The following ETNPPL variants were observed in gnomAD, a reference collection of about 807,000 sequenced individuals.
The protein encoded by ETNPPL is ethanolamine-phosphate phospho-lyase.
ETNPPL carries 30 observed loss-of-function variants against 55.5 expected under a neutral mutation model. The ratio of observed to expected loss-of-function variants is 0.54; its 90% CI spans 0.40 to 0.73. The LOEUF (loss-of-function observed/expected upper bound fraction) is 0.73, where lower values mean the gene tolerates loss of function less well. ETNPPL is among the 30% of genes least tolerant of loss of function. ETNPPL has a pLI of 0.00. For missense variants in ETNPPL, 528 were observed against 607.9 expected, an observed-to-expected ratio of 0.87 and a Z score of 1.38; for synonymous variants, 202 against 207.2, an observed-to-expected ratio of 0.98 and a Z score of 0.21.
chr4:108,755,450 T>A (rs894627299), intron 4 of ETNPPL, among the ~76,000 whole-genome samples: 94 of 152,272 alleles, frequency 6.2e-4, no homozygotes, highest in African/African-American at 2.1e-3. Flanking sequence ...TGAAATGAGG[T>A]GCATATTTAA....
chr4:108,749,441 C>T lies in ETNPPL; in HGVS notation c.724G>A (p.Val242Met). 6.2e-7 allele frequency: 1 copy of T among 1,614,010 alleles called. No homozygotes were observed. The highest frequency in any genetic ancestry group is 8.5e-7 in the Non-Finnish European group (1 of 1,179,940). The change falls in exon 8 of 13, where the codon GTG becomes ATG. Residue 242 changes from valine to methionine, a missense_variant. Coordinates refer to ENST00000296486, the MANE Select transcript of ETNPPL (RefSeq NM_031279.4). ...ACTTGAACTTCATCAGCTATAAACA[C>T]ACCCCCTGCACCGTGTACATATCTG... is the stretch of plus-strand genomic sequence containing the variant. Reference protein sequence around the residue: ...VAEYVHGAGGVFIADEVQVGF... With the variant: ...VAEYVHGAGGMFIADEVQVGF...
At chr4:108,753,925 T>A (rs988017412) in intron 5 of ETNPPL, among the ~76,000 whole-genome samples, 1 of 151,600 alleles carries the variant, frequency 6.6e-6, no homozygotes, top group Non-Finnish European at 1.5e-5. Flanking sequence ...TTAATAAAGC[T>A]ATATAATAAT....
chr4:108,762,527 A>T, intron 1 of ETNPPL: 4 of 668,078 alleles, frequency 6.0e-6, no homozygotes, highest in Non-Finnish European at 1.1e-5. Context: ...CATCCCTGGA[A>T]TGGTGTCTGC....
intron 11 of ETNPPL, 83 bp downstream of exon 11, chr4:108,746,316 A>C: frequency 1.6e-6 from 2 of 1,284,392 alleles, no homozygotes; most frequent in Non-Finnish European, 2.1e-6. Context: ...CAAGATGCAT[A>C]TGCTCATTAT....
chr4:108,762,016 A>G (rs1246187500), intron 1 of ETNPPL, among the ~76,000 whole-genome samples: 1 of 152,152 alleles, frequency 6.6e-6, no homozygotes, highest in Non-Finnish European at 1.5e-5. Flanking sequence ...TTATATTTAC[A>G]CGTATCTTTT....
intron 1 of ETNPPL, 127 bp downstream of exon 1, chr4:108,762,714 GCA>G: frequency 8.5e-7 from 1 of 1,173,220 alleles, no homozygotes; most frequent in Non-Finnish European, 1.3e-6. Flanking sequence ...CGGGGCGCGT[GCA>G]CAGGCGCGGC....
At chr4:108,761,087 G>T (rs540644745) in intron 1 of ETNPPL, among the ~76,000 whole-genome samples, 1 of 152,108 alleles carries the variant, frequency 6.6e-6, no homozygotes, top group African/African-American at 2.4e-5. Flanking sequence ...TATGTTTTTT[G>T]AGCATAATAA....
intron 6 of ETNPPL, among the ~76,000 whole-genome samples, chr4:108,752,409 C>T (rs1057293300): frequency 1.3e-5 from 2 of 152,174 alleles, no homozygotes; most frequent in Non-Finnish European, 2.9e-5. Flanking sequence ...TTGTTTCTGT[C>T]TTAGAAGTCC....
chr4:108,749,530 G>A, intron 7 of ETNPPL, 67 bp from the exon 8 acceptor site: 1 of 1,200,482 alleles, frequency 8.3e-7, no homozygotes, highest in Non-Finnish European at 1.2e-6. Context: ...CCACAAAGAT[G>A]CAAATTATTG....
At chr4:108,743,298 G>A (rs1728305803) in intron 12 of ETNPPL, among the ~76,000 whole-genome samples, 1 of 152,184 alleles carries the variant, frequency 6.6e-6, no homozygotes, top group African/African-American at 2.4e-5. Context: ...CACATCAAAT[G>A]CAGAAACTAG....
At position 108,759,786 on chromosome 4, in the gene ETNPPL, G is replaced by C. The variant is rs1190572336; in HGVS notation, c.298C>G (p.Pro100Ala). 1.2e-6 allele frequency: 2 copies of C among 1,614,110 alleles called. No homozygotes were observed. Among genetic ancestry groups the C allele is most frequent in the Non-Finnish European group, 1.7e-6 (2 of 1,180,002 alleles). The change falls in exon 3 of 13, where the codon CCG (proline) becomes GCG (alanine). Residue 100 changes from proline to alanine, a missense_variant. Coordinates refer to ENST00000296486, the MANE Select transcript of ETNPPL (RefSeq NM_031279.4). ...EYAKRLSATL[P>A]EKLSVCYFTN... is the part of the protein sequence containing the mutation. ...AAATAACAAACAGAGAGTTTCTCCGGCAGAGTTGCTGAAAGGCGTTTGGCA... is the reference window on the plus strand; with the variant it reads ...AAATAACAAACAGAGAGTTTCTCCGCCAGAGTTGCTGAAAGGCGTTTGGCA...
In ETNPPL at chr4:108,759,963, G is replaced by C; in HGVS notation, c.176-55C>G. On this transcript the variant is annotated intron_variant, in intron 2 of 12. Coordinates refer to ENST00000296486, the MANE Select transcript of ETNPPL (RefSeq NM_031279.4). ...ATAAGTTAGAATTCTAAGTGCCTGG[G>C]AATAAGAGGAATTATGAAGCAAGCA... The C allele has an allele frequency of 2.0e-6, 3 of 1,512,832 alleles. No homozygotes were observed. The South Asian group carries it at 3.5e-5, about 18-fold the overall frequency. The allele number at this position is 1,512,832 out of a possible 1,614,324, so 93.7% of individuals were successfully genotyped here.
intron 3 of ETNPPL, among the ~76,000 whole-genome samples, chr4:108,757,510 C>T (rs1471719549): frequency 2.0e-5 from 3 of 152,094 alleles, no homozygotes; most frequent in African/African-American, 4.8e-5. Flanking sequence ...CGGTGGCTCA[C>T]GCCTGTAATC....
rs148305224 is a variant in ETNPPL, at chr4:108,762,682, G to T, written c.56+161C>A. The T allele has an allele frequency of 4.7e-3, 4,021 of 847,026 alleles. 15 individuals are homozygous for T. Among genetic ancestry groups the T allele is most frequent in the Middle Eastern group, 9.4e-3 (43 of 4,588 alleles). 52.5% of individuals were successfully genotyped at this position (847,026 alleles called of 1,614,324 possible). ...CAGGAGCGTTTCTGGGAGTCCGCGC[G>T]GCCCCTGCAGGTGGAGGCGCGCGGG... is the stretch of plus-strand genomic sequence containing the variant. On this transcript the variant is annotated intron_variant, in intron 1 of 12. Transcript: ENST00000296486.
rs112469981 is a variant in ETNPPL at position 108,756,467 on chromosome 4, G to A, written c.361C>T (p.Arg121Cys). 23 of 1,613,868 alleles carry A rather than the reference G, an allele frequency of 1.4e-5. 1 individual carries two copies. The highest frequency in any genetic ancestry group is 1.6e-4 in the Middle Eastern group (1 of 6,062). Residue 121 changes from arginine (R) to cysteine (C), a missense_variant, in exon 4 of 13, where the codon CGC becomes TGC. Arg to Cys is a radical substitution (Grantham distance 180, BLOSUM62 -3). Coordinates refer to ENST00000296486, the MANE Select transcript of ETNPPL (RefSeq NM_031279.4). ...TGGCCTCTGAACTGCCGAGCCAGGC[G>A]TAAGGCTAAGTCGTTGGCTTCGGAT... ...SGSEANDLAL[R>C]LARQFRGHQD...
intron 11 of ETNPPL, among the ~76,000 whole-genome samples, chr4:108,745,227 C>G (rs960828096): frequency 1.3e-5 from 2 of 151,760 alleles, no homozygotes; most frequent in Admixed American, 6.6e-5. Flanking sequence ...TTCTGAATAA[C>G]AAAAGTCCTC....
At position 108,746,863 on chromosome 4, in the gene ETNPPL, GAAGA is replaced by G; in HGVS notation, c.1083-16_1083-13del. Reference sequence around the variant, plus strand: ...AAAGGCCAATGCCCCTGCGAGAGGTGAAGAAAAACTTGACCCACAATCTGTCCAA... The same window carrying G: ...AAAGGCCAATGCCCCTGCGAGAGGTGAAAACTTGACCCACAATCTGTCCAA... On this transcript the variant is annotated splice_polypyrimidine_tract_variant and intron_variant, in intron 9 of 12. Transcript: ENST00000296486. 1 of 1,599,558 alleles carries G rather than the reference GAAGA, an allele frequency of 6.3e-7. No individual in the cohort carries two copies. The highest frequency in any genetic ancestry group is 8.6e-7 in the Non-Finnish European group (1 of 1,167,080).
At chr4:108,756,828 G>T (rs920841740) in intron 3 of ETNPPL, among the ~76,000 whole-genome samples, 1 of 151,832 alleles carries the variant, frequency 6.6e-6, no homozygotes, top group African/African-American at 2.4e-5. Flanking sequence ...TCCATCTCCA[G>T]AACAACAACA....
At chr4:108,742,724 A>G in intron 12 of ETNPPL, 112 bp from the exon 13 acceptor site, 1 of 1,179,516 alleles carries the variant, frequency 8.5e-7, no homozygotes, top group South Asian at 1.3e-5. Context: ...ACCAAACAAA[A>G]CAACACTGCT....
Sources: gnomAD v4.1 joint callset for allele counts (sites outside exome capture counted in the v4.1 genomes callset) on GRCh38, gnomAD v4.1.1 for gene constraint, MANE v1.5 for transcripts, NCBI Gene and HGNC (gene_info 2026-07-23, HGNC 2026-07-21) for gene names.